LRMDA: variants seen among roughly 807,000 people sequenced by gnomAD.
LRMDA encodes the protein leucine rich melanocyte differentiation associated, also known as leucine-rich melanocyte differentiation-associated protein.
In LRMDA, 18 loss-of-function variants were observed where a neutral mutation model predicts 29.8. That is an observed-to-expected ratio of 0.60 (90% confidence interval 0.42 to 0.90). The LOEUF (loss-of-function observed/expected upper bound fraction) is 0.90. Ranked by LOEUF, LRMDA falls within the 40% of genes least tolerant of loss-of-function variation. The pLI, the probability that LRMDA is intolerant of heterozygous loss-of-function variation, is 0.00. For missense variants in LRMDA, 273 were observed against 273.9 expected (o/e 1.00, Z 0.02); for synonymous variants, 125 against 109.4 (o/e 1.14, Z -0.89).
At chr10:75,811,108 G>A (rs1375145286) in intron 2 of LRMDA, among the ~76,000 whole-genome samples, 1 of 152,034 alleles carries the variant, frequency 6.6e-6, no homozygotes, top group Non-Finnish European at 1.5e-5. Context: ...ATTCCTTATT[G>A]GATAAATACA....
At chr10:75,916,553 C>T (rs1845939130) in intron 2 of LRMDA, among the ~76,000 whole-genome samples, 1 of 152,178 alleles carries the variant, frequency 6.6e-6, no homozygotes, top group Admixed American at 6.5e-5. Flanking sequence ...AAACCGTCCC[C>T]ACCCCACCAG....
intron 2 of LRMDA, among the ~76,000 whole-genome samples, chr10:75,614,688 C>T (rs2132101739): frequency 6.6e-6 from 1 of 152,250 alleles, no homozygotes; most frequent in East Asian, 1.9e-4. Flanking sequence ...ACAACATGGG[C>T]ACACAGTTGT....
chr10:75,857,744 T>G (rs1028879415), intron 2 of LRMDA, among the ~76,000 whole-genome samples: 1 of 152,200 alleles, frequency 6.6e-6, no homozygotes, highest in Non-Finnish European at 1.5e-5. Flanking sequence ...TTTTTCTTGT[T>G]TATACAGAAG....
intron 2 of LRMDA, among the ~76,000 whole-genome samples, chr10:75,755,179 G>A (rs7914694): frequency 0.042 from 6,362 of 151,864 alleles, 342 homozygotes; most frequent in African/African-American, 0.13. Context: ...CTTTCACTTT[G>A]CTCTGTTCTT....
At chr10:75,909,520 T>A (rs1341802187) in intron 2 of LRMDA, among the ~76,000 whole-genome samples, 1 of 152,152 alleles carries the variant, frequency 6.6e-6, no homozygotes, top group Non-Finnish European at 1.5e-5. Context: ...ATGTATTTTT[T>A]TTTTTATTCT....
At chr10:76,122,780 C>T (rs1282203927) in intron 5 of LRMDA, among the ~76,000 whole-genome samples, 1 of 152,104 alleles carries the variant, frequency 6.6e-6, no homozygotes, top group Admixed American at 6.5e-5. Context: ...TTAGGCTTGC[C>T]TTTCTGGGTT....
At chr10:75,439,103 C>G (rs1844296920) in intron 2 of LRMDA, among the ~76,000 whole-genome samples, 1 of 152,140 alleles carries the variant, frequency 6.6e-6, no homozygotes, top group Non-Finnish European at 1.5e-5. Flanking sequence ...TAAGTGTGAT[C>G]TTGTATATTA....
intron 2 of LRMDA, among the ~76,000 whole-genome samples, chr10:75,917,958 T>G (rs1564606394): frequency 8.6e-6 from 1 of 115,854 alleles, no homozygotes; most frequent in Non-Finnish European, 1.6e-5. Flanking sequence ...CATGCACATG[T>G]GCGCACACAC....
chr10:76,201,071 T>A (rs1355053579), intron 5 of LRMDA, among the ~76,000 whole-genome samples: 2 of 38,738 alleles, frequency 5.2e-5, no homozygotes, highest in Non-Finnish European at 9.8e-5. Context: ...ATTATTATTT[T>A]TATTTATTTA....
At chr10:75,650,167 G>C (rs1841579032) in intron 2 of LRMDA, among the ~76,000 whole-genome samples, 1 of 152,116 alleles carries the variant, frequency 6.6e-6, no homozygotes, top group South Asian at 2.1e-4. Context: ...TGTGCTTTTG[G>C]TGTCATATCC....
chr10:76,387,642 A>G (rs1367363728), intron 6 of LRMDA, among the ~76,000 whole-genome samples: 1 of 152,090 alleles, frequency 6.6e-6, no homozygotes, highest in Non-Finnish European at 1.5e-5. Context: ...ATCATATATT[A>G]TTTAACCCAC....
At chr10:76,164,186 C>T (rs1334305986) in intron 5 of LRMDA, among the ~76,000 whole-genome samples, 1 of 152,028 alleles carries the variant, frequency 6.6e-6, no homozygotes, top group Non-Finnish European at 1.5e-5. Context: ...AGGTGAGTTT[C>T]CTGCATAGGA....
chr10:76,447,017 G>A (rs967109660), intron 6 of LRMDA, among the ~76,000 whole-genome samples: 2 of 151,268 alleles, frequency 1.3e-5, no homozygotes, highest in African/African-American at 4.9e-5. Flanking sequence ...ATTGTGTTCG[G>A]TATATGTTGG....
At chr10:76,359,342 G>A (rs1193698545) in intron 6 of LRMDA, among the ~76,000 whole-genome samples, 1 of 152,170 alleles carries the variant, frequency 6.6e-6, no homozygotes, top group Non-Finnish European at 1.5e-5. Context: ...GGTAGGAGAT[G>A]GAGAAGGTTG....
intron 5 of LRMDA, among the ~76,000 whole-genome samples, chr10:76,120,832 T>A (rs956982084): frequency 2.0e-5 from 3 of 151,082 alleles, no homozygotes; most frequent in Middle Eastern, 3.4e-3. Flanking sequence ...ATTGTTCTTT[T>A]TTTTTTTTTT....
At position 75,935,848 on chromosome 10, in the gene LRMDA, G is replaced by A. The variant is rs544049649; in HGVS notation, c.132-100160G>A. On this transcript the variant is annotated intron_variant, in intron 2 of 6. Coordinates refer to ENST00000611255, the MANE Select transcript of LRMDA (RefSeq NM_001305581.2). ...GGCCTGCCCTCCTCCCAGAGGTTTG[G>A]AAAATCAGGCAAGTTATTTTAATGT... Among the ~76,000 whole-genome samples, 80 of 152,232 alleles carry A rather than the reference G, an allele frequency of 5.3e-4. No homozygotes were observed. In the Middle Eastern group the frequency reaches 0.014, roughly 26 times the overall value.
intron 5 of LRMDA, among the ~76,000 whole-genome samples, chr10:76,289,304 TAGAC>T (rs1475652337): frequency 9.2e-5 from 14 of 152,238 alleles, no homozygotes; most frequent in South Asian, 2.1e-4. Context: ...GACAGAAAAA[TAGAC>T]AGTCTCTTTT....
At chr10:76,073,410 T>C (rs971534072) in intron 5 of LRMDA, among the ~76,000 whole-genome samples, 1 of 152,226 alleles carries the variant, frequency 6.6e-6, no homozygotes, top group Non-Finnish European at 1.5e-5. Flanking sequence ...TATTACTTAT[T>C]TTGTATTCCT....
Position 75,835,856 on chromosome 10 carries a change from T to C in LRMDA, c.132-200152T>C, listed in dbSNP as rs138651355. Among the ~76,000 whole-genome samples the C allele has an allele frequency of 1.5e-3, 234 of 152,308 alleles. 3 individuals are homozygous for C. The East Asian group carries it at 0.028, about 18-fold the overall frequency. On this transcript the variant is annotated intron_variant, in intron 2 of 6. Transcript: ENST00000611255. ...GGTGAGTTTTAGTTGCTGAACAGTT[T>C]AGAGTGAATTAGCCAAAATGGTGCT...
Sources: gnomAD v4.1 joint callset for allele counts (sites outside exome capture counted in the v4.1 genomes callset) on GRCh38, gnomAD v4.1.1 for gene constraint, MANE v1.5 for transcripts, NCBI Gene and HGNC (gene_info 2026-07-23, HGNC 2026-07-21) for gene names.